The following CCDC148 variants were observed in gnomAD, a reference collection of about 807,000 sequenced individuals.
CCDC148 encodes coiled-coil domain-containing protein 148.
In CCDC148, 89 loss-of-function variants were observed where a neutral mutation model predicts 85.7. That is an observed-to-expected ratio of 1.04 (90% CI 0.87 to 1.24). The LOEUF (loss-of-function observed/expected upper bound fraction) is 1.24, where lower values mean the gene tolerates loss of function less well. CCDC148 is among the 50% of genes most tolerant of loss of function. CCDC148 has a pLI of 0.00. For missense variants in CCDC148, 692 were observed against 671.7 expected (o/e 1.03, Z -0.33); for synonymous variants, 230 against 213.9 (o/e 1.08, Z -0.66).
chr2:158,447,514 A>G (rs1688210187), intron 1 of CCDC148: 1 of 152,232 alleles, frequency 6.6e-6, no homozygotes, highest in Admixed American at 6.5e-5. Flanking sequence ...TGTGTATACC[A>G]TTACACATTT....
chr2:158,223,567 C>T (rs1244858234), intron 10 of CCDC148, among the ~76,000 whole-genome samples: 1 of 152,116 alleles, frequency 6.6e-6, no homozygotes, highest in African/African-American at 2.4e-5. Context: ...GGGAGGCACC[C>T]CCCAGTAGGG....
intron 9 of CCDC148, among the ~76,000 whole-genome samples, chr2:158,277,601 T>C (rs555252330): frequency 1.3e-5 from 2 of 152,026 alleles, no homozygotes; most frequent in Non-Finnish European, 2.9e-5. Context: ...GTTTTTTTGT[T>C]TTTTTTTGTT....
intron 9 of CCDC148, among the ~76,000 whole-genome samples, chr2:158,256,927 C>T (rs1689036275): frequency 6.6e-6 from 1 of 151,774 alleles, no homozygotes. Context: ...AGGGCAGGGA[C>T]CAGATCTGTC....
intron 2 of CCDC148, among the ~76,000 whole-genome samples, chr2:158,351,117 T>G (rs1683247005): frequency 6.6e-6 from 1 of 152,282 alleles, no homozygotes; most frequent in East Asian, 1.9e-4. Flanking sequence ...CAGCATGGTT[T>G]TTATTGCAGT....
intron 2 of CCDC148, among the ~76,000 whole-genome samples, chr2:158,355,435 A>G (rs907587647): frequency 5.9e-5 from 9 of 152,206 alleles, no homozygotes; most frequent in African/African-American, 1.9e-4. Flanking sequence ...TATACCAGCA[A>G]CAGAAAAACA....
chr2:158,342,026 C>CTT (rs1159799812), intron 3 of CCDC148, among the ~76,000 whole-genome samples: 11 of 62,648 alleles, frequency 1.8e-4, no homozygotes, highest in African/African-American at 2.9e-4. Flanking sequence ...ATTTTCTTTT[C>CTT]TTTTTTTTTT....
intron 8 of CCDC148, 104 bp downstream of exon 8, chr2:158,313,652 A>C: frequency 1.7e-6 from 2 of 1,196,198 alleles, no homozygotes. Flanking sequence ...GGTAGGAAAA[A>C]AATAATTTTT....
intron 11 of CCDC148, among the ~76,000 whole-genome samples, chr2:158,179,834 C>A (rs1328315383): frequency 6.6e-6 from 1 of 152,150 alleles, no homozygotes; most frequent in East Asian, 1.9e-4. Context: ...TAAAATTGCA[C>A]TTTGACATCT....
At chr2:158,365,804 A>AT (rs1173757459) in intron 1 of CCDC148, among the ~76,000 whole-genome samples, 3 of 152,164 alleles carry the variant, frequency 2.0e-5, no homozygotes, top group African/African-American at 7.2e-5. Flanking sequence ...TTAAAGTATA[A>AT]TAAAAAAAAG....
chr2:158,325,913 T>C (rs552183815), intron 7 of CCDC148, among the ~76,000 whole-genome samples: 33 of 152,296 alleles, frequency 2.2e-4, no homozygotes, highest in African/African-American at 7.0e-4. Context: ...GTGTCCAATA[T>C]CTTCTTGCAC....
At chr2:158,437,637 G>T (rs929719856) in intron 1 of CCDC148, among the ~76,000 whole-genome samples, 2 of 152,154 alleles carry the variant, frequency 1.3e-5, no homozygotes, top group Admixed American at 6.5e-5. Flanking sequence ...GGGCAATCAG[G>T]CAGGAGAAGG....
intron 1 of CCDC148, among the ~76,000 whole-genome samples, chr2:158,432,435 T>A (rs959083535): frequency 6.6e-6 from 1 of 152,040 alleles, no homozygotes; most frequent in Non-Finnish European, 1.5e-5. Context: ...GCAAAAGATA[T>A]ACCACAAAAA....
intron 1 of CCDC148, among the ~76,000 whole-genome samples, chr2:158,437,733 C>T (rs76827735): frequency 0.45 from 68,619 of 151,902 alleles, 16,865 homozygotes; most frequent in South Asian, 0.69. Context: ...AAAACCCCAT[C>T]GTCTCAGCCC....
chr2:158,286,043 A>G (rs1690608909), intron 9 of CCDC148, among the ~76,000 whole-genome samples: 1 of 152,172 alleles, frequency 6.6e-6, no homozygotes, highest in Admixed American at 6.5e-5. Context: ...GGACAACCTA[A>G]CATAATGTAC....
At chr2:158,339,172 G>T (rs1682545428) in intron 5 of CCDC148, 87 bp from the exon 6 acceptor site, 12 of 1,028,608 alleles carry the variant, frequency 1.2e-5, no homozygotes, top group Non-Finnish European at 1.6e-5. Context: ...ATTCTCAAAA[G>T]CCAATCAGTG....
intron 2 of CCDC148, among the ~76,000 whole-genome samples, chr2:158,345,843 G>T (rs920311991): frequency 1.2e-4 from 19 of 152,286 alleles, no homozygotes; most frequent in Admixed American, 7.8e-4. Context: ...GATGGGAAAG[G>T]TTCCTTGGAT....
At chr2:158,293,267 G>C (rs180765457) in intron 9 of CCDC148, among the ~76,000 whole-genome samples, 21 of 152,308 alleles carry the variant, frequency 1.4e-4, no homozygotes, top group African/African-American at 4.8e-4. Context: ...TTAGTGTAAA[G>C]AGCAGATCTC....
chr2:158,240,450 T>TCACACA (rs1284517602), intron 10 of CCDC148, among the ~76,000 whole-genome samples: 107 of 92,570 alleles, frequency 1.2e-3, no homozygotes, highest in African/African-American at 3.0e-3. Flanking sequence ...TCTCTCTCTC[T>TCACACA]CTCACACACA....
At chr2:158,343,905 T>A (rs749838068) in intron 3 of CCDC148, among the ~76,000 whole-genome samples, 13 of 152,194 alleles carry the variant, frequency 8.5e-5, no homozygotes, top group Non-Finnish European at 1.9e-4. Context: ...ATTACTTAAG[T>A]GTTCCTCACT....
Sources: allele counts gnomAD v4.1 joint callset (sites outside exome capture counted in the v4.1 genomes callset), GRCh38; gene constraint gnomAD v4.1.1; transcripts MANE v1.5; gene names NCBI Gene and HGNC (gene_info 2026-07-23, HGNC 2026-07-21).